Variants in PRPF38A observed in about 807,000 individuals in gnomAD.
PRPF38A encodes pre-mRNA-splicing factor 38A.
A neutral mutation model predicts 46.8 loss-of-function variants in PRPF38A; 11 were observed. The observed-to-expected ratio is 0.24, with a 90% CI of 0.15 to 0.39. The LOEUF (loss-of-function observed/expected upper bound fraction) is 0.39, where lower values mean the gene tolerates loss of function less well. Ranked by LOEUF, PRPF38A falls within the 10% of genes least tolerant of loss-of-function variation. The pLI is 1.00. For synonymous variants in PRPF38A, 124 were observed against 136.2 expected (o/e 0.91, Z 0.62); for missense variants, 261 against 407.5 (o/e 0.64, Z 3.10).
In PRPF38A at chr1:52,408,611, C is replaced by A; in HGVS notation, c.333C>A (p.Gly111=). The change falls in exon 3 of 10, where the codon GGC becomes GGA. Residue 111 remains glycine (G), a synonymous_variant. Coordinates refer to ENST00000257181, the MANE Select transcript of PRPF38A (RefSeq NM_032864.4). ...MLGALYMRLT[G]TAIDCYKYLE... ...GGGCACTTTACATGAGGCTGACAGG[C>A]ACTGCAATTGATTGCTACAAGTACT... 6.2e-7 allele frequency: 1 copy of A among 1,614,158 alleles called. No homozygotes were observed. Among genetic ancestry groups the A allele is most frequent in the South Asian group, 1.1e-5 (1 of 91,082 alleles).
At chr1:52,416,609 GCTT>G (rs1648299240) in intron 9 of PRPF38A, 36 bp from the exon 10 acceptor site, 3 of 1,564,932 alleles carry the variant, frequency 1.9e-6, no homozygotes, top group Non-Finnish European at 1.8e-6. Context: ...GTGCCTGGCT[GCTT>G]CTTAATATAA....
chr1:52,414,704 T>C, intron 7 of PRPF38A, 57 bp downstream of exon 7: 2 of 1,613,360 alleles, frequency 1.2e-6, no homozygotes, highest in East Asian at 2.2e-5. Context: ...GGTGGTGGTA[T>C]TGGTGTTATA....
intron 5 of PRPF38A, among the ~76,000 whole-genome samples, chr1:52,413,068 A>G (rs1375380502): frequency 1.3e-5 from 2 of 152,226 alleles, no homozygotes; most frequent in Non-Finnish European, 2.9e-5. Context: ...CAGCTCTGCC[A>G]TATACTAGTA....
chr1:52,406,234 TCCC>T (rs879452995), intron 2 of PRPF38A, among the ~76,000 whole-genome samples: 2 of 150,188 alleles, frequency 1.3e-5, no homozygotes, highest in Non-Finnish European at 3.0e-5. Context: ...GGTAATCCCC[TCCC>T]CCCCCGGGCC....
Position 52,412,563 on chromosome 1 carries a change from C to G in PRPF38A, c.548C>G (p.Ala183Gly), listed in dbSNP as rs1342099690. 2 of 1,613,724 alleles carry G rather than the reference C, an allele frequency of 1.2e-6. No individual in the cohort carries two copies. Among genetic ancestry groups the G allele is most frequent in the Non-Finnish European group, 1.7e-6 (2 of 1,179,758 alleles). The change falls in exon 5 of 10, where the codon GCT becomes GGT. Residue 183 changes from alanine (A) to glycine (G), a missense_variant. Ala to Gly is a moderately conservative substitution (Grantham distance 60, BLOSUM62 0). Around this residue, in one of 2 missense-constraint regions of PRPF38A, gnomAD observed 180 missense variants for 221.0 expected, o/e 0.81. Coordinates refer to ENST00000257181, the MANE Select transcript of PRPF38A (RefSeq NM_032864.4). ...GAGCAACTGGAGCCTCGAGTTAGTG[C>G]TCTGGAAGAGGACATGGATGATGTG... ...EAEQLEPRVS[A>G]LEEDMDDVES... is the part of the protein sequence containing the mutation.
chr1:52,416,239 C>T (rs996813140), intron 9 of PRPF38A, among the ~76,000 whole-genome samples: 2 of 151,762 alleles, frequency 1.3e-5, no homozygotes, highest in African/African-American at 4.8e-5. Context: ...AAAAAAATAC[C>T]AAGCAGTTTA....
At chr1:52,415,432 T>G (rs963089013) in intron 9 of PRPF38A, 46 bp downstream of exon 9, 1 of 1,513,482 alleles carries the variant, frequency 6.6e-7, no homozygotes, top group Non-Finnish European at 9.1e-7. Context: ...TAGTCCAAAT[T>G]ACAACTAACT....
chr1:52,407,034 T>C (rs1569973304), intron 2 of PRPF38A, among the ~76,000 whole-genome samples: 1 of 152,242 alleles, frequency 6.6e-6, no homozygotes. Flanking sequence ...TTTTTTTTGT[T>C]TGAGACAGAG....
At chr1:52,406,407 G>A (rs1324194500) in intron 2 of PRPF38A, among the ~76,000 whole-genome samples, 2 of 152,198 alleles carry the variant, frequency 1.3e-5, no homozygotes, top group Non-Finnish European at 2.9e-5. Context: ...TTAAGCAAAA[G>A]TGAGTGCCTG....
At chr1:52,410,765 G>T (rs1648128853) in intron 3 of PRPF38A, among the ~76,000 whole-genome samples, 1 of 152,176 alleles carries the variant, frequency 6.6e-6, no homozygotes, top group South Asian at 2.1e-4. Flanking sequence ...GCCTCCCAAA[G>T]TGCTGGGATT....
intron 5 of PRPF38A, 43 bp downstream of exon 5, chr1:52,412,667 T>C (rs1648179640): frequency 2.4e-6 from 3 of 1,269,064 alleles, no homozygotes; most frequent in Non-Finnish European, 3.4e-6. Context: ...GAGGGAGTAA[T>C]AGAAAATGGG....
At chr1:52,415,241 G>A in intron 8 of PRPF38A, 97 bp from the exon 9 acceptor site, 2 of 1,264,728 alleles carry the variant, frequency 1.6e-6, no homozygotes, top group Non-Finnish European at 2.3e-6. Flanking sequence ...TAGGCCAAAA[G>A]AATATTAAGC....
chr1:52,414,143 C>T, intron 6 of PRPF38A, 152 bp downstream of exon 6: 1 of 619,156 alleles, frequency 1.6e-6, no homozygotes, highest in Non-Finnish European at 2.9e-6. Context: ...TATAAAACCT[C>T]ATTGGCAGAC....
intron 6 of PRPF38A, among the ~76,000 whole-genome samples, chr1:52,414,242 G>A (rs1321566760): frequency 2.0e-5 from 3 of 152,176 alleles, no homozygotes; most frequent in Non-Finnish European, 2.9e-5. Flanking sequence ...CTGTTCTGTT[G>A]TCGGCTGTCT....
Position 52,414,644 on chromosome 1 carries a change from G to C in PRPF38A, c.746G>C (p.Arg249Thr). The C allele has an allele frequency of 6.2e-7, 1 of 1,613,996 alleles. No individual in the cohort carries two copies. The highest frequency in any genetic ancestry group is 8.5e-7 in the Non-Finnish European group (1 of 1,180,026). The change falls in exon 7 of 10, where the codon AGA becomes ACA. Residue 249 changes from arginine to threonine, a missense_variant. Physicochemically the swap from Arg to Thr is moderately conservative, Grantham distance 71. Around this residue, in one of 2 missense-constraint regions of PRPF38A, gnomAD observed 180 missense variants for 221.0 expected, o/e 0.81. Transcript: ENST00000257181. ...PRRRSRSPKRRSPSPRRERHR... is the reference protein window; with the variant it reads ...PRRRSRSPKRTSPSPRRERHR... The stretch of plus-strand genomic sequence containing the variant: ...AGGCGGAGTCGATCTCCCAAAAGGA[G>C]AAGGTAGGCCTTCAGTCATTTGTGA...
intron 3 of PRPF38A, among the ~76,000 whole-genome samples, chr1:52,409,824 A>G (rs1648097371): frequency 6.6e-6 from 1 of 152,092 alleles, no homozygotes; most frequent in South Asian, 2.1e-4. Context: ...TTTGGGTCAT[A>G]TAACTTTTGT....
rs1254213093 is a variant in PRPF38A at position 52,419,711 on chromosome 1, A to C, written c.*3021A>C. 1 of 152,260 alleles carries C rather than the reference A, an allele frequency of 6.6e-6. No individual in the cohort carries two copies. Among genetic ancestry groups the C allele is most frequent in the Admixed American group, 6.5e-5 (1 of 15,280 alleles). The allele number at this position is 152,260 out of a possible 1,614,324, so 9.4% of individuals were successfully genotyped here. On this transcript the variant is annotated 3_prime_UTR_variant, in exon 10 of 10. Transcript: ENST00000257181. ...AGAGAAAATAGGCTGGAGGAAATAAAAAATGGAAAAGAGAAATATGTAGAA... is the reference window on the plus strand; with the variant it reads ...AGAGAAAATAGGCTGGAGGAAATAACAAATGGAAAAGAGAAATATGTAGAA...
At position 52,404,621 on chromosome 1, in the gene PRPF38A, T is replaced by C; in HGVS notation, c.-129T>C. ...CCCTTTACACTACGGTGTTTCCGGC[T>C]TCAAGATGGTCGCCTAAGCTGTTTA... On this transcript the variant is annotated 5_prime_UTR_variant, in exon 1 of 10. Transcript: ENST00000257181. The C allele has an allele frequency of 9.7e-7, 1 of 1,030,840 alleles. No individual in the cohort carries two copies. Among genetic ancestry groups the C allele is most frequent in the Non-Finnish European group, 1.4e-6 (1 of 715,670 alleles). 63.9% of individuals were successfully genotyped at this position (1,030,840 alleles called of 1,614,324 possible).
rs1437961348 is a variant in PRPF38A at position 52,414,783 on chromosome 1, G to GCAT, written c.773_775dup (p.His258dup). ...ACAGCCCCTCCCCTCGCCGAGAAAG[G>GCAT]CATCGGAGCAAGAGTCCAAGACGTC... On this transcript the variant is annotated inframe_insertion, in exon 8 of 10. Transcript: ENST00000257181. The GCAT allele has an allele frequency of 6.2e-7, 1 of 1,614,126 alleles. No individual in the cohort carries two copies. Among genetic ancestry groups the GCAT allele is most frequent in the Non-Finnish European group, 8.5e-7 (1 of 1,180,026 alleles).
Sources: allele counts gnomAD v4.1 joint callset (sites outside exome capture counted in the v4.1 genomes callset), GRCh38; gene constraint gnomAD v4.1.1; regional missense constraint gnomAD v4.1.1; transcripts MANE v1.5; gene names NCBI Gene and HGNC (gene_info 2026-07-23, HGNC 2026-07-21).